The following MPRIP variants were observed in gnomAD, a reference collection of about 807,000 sequenced individuals.
MPRIP encodes the protein myosin phosphatase Rho-interacting protein.
In MPRIP, 59 loss-of-function variants were observed where a neutral mutation model predicts 234.9. The observed-to-expected ratio is 0.25, with a 90% CI of 0.20 to 0.31. MPRIP has a LOEUF of 0.31. Among genes scored for constraint, MPRIP ranks in the 10% least tolerant of loss-of-function variants. The pLI, the probability that MPRIP is intolerant of heterozygous loss-of-function variation, is 1.00. For missense variants in MPRIP, 2,436 were observed against 3,071.0 expected (o/e 0.79, Z 4.89); for synonymous variants, 1,144 against 1,263.9 (o/e 0.91, Z 2.01).
chr17:17,171,615 A>T, intron 16 of MPRIP, 103 bp from the exon 17 acceptor site: 28 of 1,432,956 alleles, frequency 2.0e-5, no homozygotes, highest in Non-Finnish European at 2.5e-5. Flanking sequence ...GCCCAGTCAC[A>T]GCTGGGCCTG....
chr17:17,046,035 G>T (rs1490166824), intron 1 of MPRIP, among the ~76,000 whole-genome samples: 1 of 152,166 alleles, frequency 6.6e-6, no homozygotes, highest in Admixed American at 6.5e-5. Flanking sequence ...TTGATCTCCT[G>T]ACCTCGTGAT....
chr17:17,133,375 CGTG>C (rs2090634420), intron 5 of MPRIP, among the ~76,000 whole-genome samples: 1 of 152,068 alleles, frequency 6.6e-6, no homozygotes, highest in African/African-American at 2.4e-5. Context: ...TGTGGGGTGA[CGTG>C]GGGGCACTGC....
Position 17,164,540 on chromosome 17 carries a change from GCGGGA to G in MPRIP, c.2951_2955del (p.Arg984ProfsTer23). The G allele has an allele frequency of 8.3e-7, 1 of 1,208,976 alleles. No individual in the cohort carries two copies. Among genetic ancestry groups the G allele is most frequent in the Non-Finnish European group, 1.1e-6 (1 of 946,926 alleles). 74.9% of individuals were successfully genotyped at this position (1,208,976 alleles called of 1,614,324 possible). A position where few individuals can be genotyped will look rare whatever the true frequency, so the allele number is the denominator to read the frequency against. ...GCCTGGAGACACAGCAGGCGCTGCA[GCGGGA>G]CCGGCAGAAGGAGGTCCAGAGGCTG... On this transcript the variant is annotated frameshift_variant, in exon 16 of 24. Coordinates refer to ENST00000651222, the MANE Select transcript of MPRIP (RefSeq NM_001364716.4). LOFTEE classifies it high-confidence loss of function.
intron 1 of MPRIP, chr17:17,057,901 A>G: frequency 1.8e-6 from 1 of 563,022 alleles, no homozygotes; most frequent in Non-Finnish European, 3.2e-6. Context: ...GGATACAAGC[A>G]GCATACATTT....
intron 1 of MPRIP, among the ~76,000 whole-genome samples, chr17:17,053,800 C>G (rs1280658307): frequency 6.6e-6 from 1 of 152,198 alleles, no homozygotes; most frequent in Non-Finnish European, 1.5e-5. Context: ...GTCTCCTCTC[C>G]CACTGAGCTG....
chr17:17,081,315 A>G (rs924999653), intron 3 of MPRIP, among the ~76,000 whole-genome samples: 2 of 152,218 alleles, frequency 1.3e-5, no homozygotes. Context: ...GGGCGGCACA[A>G]ATCTAGCCAG....
chr17:17,112,166 C>T (rs924784466), intron 3 of MPRIP, among the ~76,000 whole-genome samples: 1 of 152,164 alleles, frequency 6.6e-6, no homozygotes, highest in African/African-American at 2.4e-5. Context: ...ACAGAACATG[C>T]CTGTGTGAAA....
chr17:17,066,252 G>GT (rs1226316227), intron 1 of MPRIP, among the ~76,000 whole-genome samples: 1 of 152,214 alleles, frequency 6.6e-6, no homozygotes, highest in Non-Finnish European at 1.5e-5. Context: ...CCCATTATGT[G>GT]TAATGCTAGC....
intron 3 of MPRIP, among the ~76,000 whole-genome samples, chr17:17,103,074 C>T (rs1441941259): frequency 6.6e-6 from 1 of 152,196 alleles, no homozygotes; most frequent in Admixed American, 6.5e-5. Flanking sequence ...CCTGTTTCCT[C>T]CATGCCAAGG....
chr17:17,124,360 T>C (rs1274981744), intron 3 of MPRIP, among the ~76,000 whole-genome samples: 2 of 152,222 alleles, frequency 1.3e-5, no homozygotes, highest in Admixed American at 1.3e-4. Flanking sequence ...AAGAAAACTT[T>C]GGAATTTCTG....
chr17:17,104,329 C>T (rs2090021261), intron 3 of MPRIP, among the ~76,000 whole-genome samples: 2 of 152,212 alleles, frequency 1.3e-5, no homozygotes, highest in Admixed American at 1.3e-4. Flanking sequence ...TACCAGGCTG[C>T]ATGACCGTGG....
chr17:17,044,638 A>G (rs942487319), intron 1 of MPRIP, among the ~76,000 whole-genome samples: 2 of 152,204 alleles, frequency 1.3e-5, no homozygotes, highest in East Asian at 1.9e-4. Flanking sequence ...ATTCTAAGCA[A>G]CTGTCAAAAT....
In MPRIP at chr17:17,161,257, G is replaced by T; in HGVS notation, c.2418G>T (p.Lys806Asn). The change falls in exon 15 of 24, where the codon AAG (lysine) becomes AAT (asparagine). Residue 806 changes from lysine (K) to asparagine (N), a missense_variant. By Grantham distance (94) the Lys-to-Asn change is moderately conservative. This residue lies in a region of MPRIP where 1,998 missense variants were observed against 2,520.3 expected (regional missense o/e 0.79). Coordinates refer to ENST00000651222, the MANE Select transcript of MPRIP (RefSeq NM_001364716.4). ...GCCAACAGCTGGAGCAGAGCCAGAAGGAGGCCTCAGACCTTCTGGAGCAGA... is the reference window on the plus strand; with the variant it reads ...GCCAACAGCTGGAGCAGAGCCAGAATGAGGCCTCAGACCTTCTGGAGCAGA... Reference protein sequence around the residue: ...LLEKELEQSQKEASDLLEQNR... With the variant: ...LLEKELEQSQNEASDLLEQNR... 2 of 1,602,030 alleles carry T rather than the reference G, an allele frequency of 1.2e-6. No homozygotes were observed. Among genetic ancestry groups the T allele is most frequent in the Non-Finnish European group, 1.7e-6 (2 of 1,172,296 alleles).
chr17:17,048,893 A>G (rs932797680), intron 1 of MPRIP, among the ~76,000 whole-genome samples: 6 of 152,248 alleles, frequency 3.9e-5, no homozygotes, highest in Non-Finnish European at 7.3e-5. Flanking sequence ...AAATGTTCAT[A>G]ACAGCACTAC....
intron 4 of MPRIP, among the ~76,000 whole-genome samples, chr17:17,129,571 C>G (rs866249485): frequency 1.6e-4 from 24 of 152,196 alleles, no homozygotes; most frequent in Non-Finnish European, 2.8e-4. Context: ...ACTGAGGCCA[C>G]ATGAGACACC....
rs186972360 is a variant in MPRIP, at chr17:17,111,130, G to C, written c.268-15572G>C. Among the ~76,000 whole-genome samples the C allele has an allele frequency of 2.6e-3, 363 of 140,990 alleles. 1 individual carries two copies. The highest frequency in any genetic ancestry group is 5.6e-3 in the South Asian group (24 of 4,260). 92.5% of individuals were successfully genotyped at this position (140,990 alleles called of 152,430 possible). On this transcript the variant is annotated intron_variant, in intron 3 of 23. Coordinates refer to ENST00000651222, the MANE Select transcript of MPRIP (RefSeq NM_001364716.4). ...TGTGAATCTATTCTGAAATTAAAAG[G>C]TTATTTTAAAAGTTTAAAAAAAAAA...
intron 3 of MPRIP, among the ~76,000 whole-genome samples, chr17:17,115,502 T>C (rs2090266687): frequency 6.6e-6 from 1 of 152,272 alleles, no homozygotes; most frequent in South Asian, 2.1e-4. Flanking sequence ...GCCTGCTTGC[T>C]GCTGAGCCTG....
intron 16 of MPRIP, chr17:17,170,744 AC>A (rs1372500547): frequency 6.6e-6 from 1 of 152,204 alleles, no homozygotes; most frequent in Admixed American, 6.5e-5. Context: ...TCTGAAGCAG[AC>A]CACTTGAAGG....
intron 23 of MPRIP, among the ~76,000 whole-genome samples, 154 bp from the exon 24 acceptor site, chr17:17,184,669 G>C (rs1271725120): frequency 6.6e-6 from 1 of 151,878 alleles, no homozygotes; most frequent in Non-Finnish European, 1.5e-5. Context: ...AGCATTTCCC[G>C]GGGACTCTCC....
Sources: allele counts gnomAD v4.1 joint callset (sites outside exome capture counted in the v4.1 genomes callset), GRCh38; gene constraint gnomAD v4.1.1; regional missense constraint gnomAD v4.1.1; transcripts MANE v1.5; gene names NCBI Gene and HGNC (gene_info 2026-07-23, HGNC 2026-07-21).